The following FSTL5 variants were observed in gnomAD, a reference collection of about 807,000 sequenced individuals.
FSTL5 encodes the protein follistatin-related protein 5.
Under a neutral mutation model 89.1 loss-of-function variants are expected in FSTL5, and 62 were observed. That is an observed-to-expected ratio of 0.70 (90% CI 0.57 to 0.86). FSTL5 has a LOEUF of 0.86. FSTL5 is among the 40% of genes least tolerant of loss of function. The pLI, the probability that FSTL5 is intolerant of heterozygous loss-of-function variation, is 0.00. For synonymous variants in FSTL5, 383 were observed against 346.2 expected (o/e 1.11, Z -1.18); for missense variants, 1,057 against 1,001.6 (o/e 1.06, Z -0.75).
chr4:161,618,117 C>T (rs1734963595), intron 7 of FSTL5, among the ~76,000 whole-genome samples: 1 of 144,772 alleles, frequency 6.9e-6, no homozygotes, highest in African/African-American at 2.7e-5. Context: ...TGATTTGGCT[C>T]TCTGTTTGTC....
chr4:161,436,461 C>T (rs982509569), intron 15 of FSTL5, among the ~76,000 whole-genome samples: 2 of 152,108 alleles, frequency 1.3e-5, no homozygotes, highest in African/African-American at 4.8e-5. Flanking sequence ...TTTTCATGTG[C>T]CATGTTTTAC....
intron 4 of FSTL5, among the ~76,000 whole-genome samples, chr4:161,798,538 A>G (rs17041550): frequency 0.069 from 10,411 of 151,398 alleles, 604 homozygotes; most frequent in African/African-American, 0.16. Flanking sequence ...TTCAAAATCT[A>G]CAATATTGGT....
chr4:161,889,053 T>A (rs1732904285), intron 4 of FSTL5, among the ~76,000 whole-genome samples: 1 of 152,260 alleles, frequency 6.6e-6, no homozygotes, highest in African/African-American at 2.4e-5. Flanking sequence ...ACAAAATATA[T>A]AAGTTACTTT....
intron 6 of FSTL5, among the ~76,000 whole-genome samples, chr4:161,739,641 C>A (rs1739935067): frequency 1.3e-5 from 2 of 152,058 alleles, no homozygotes; most frequent in Admixed American, 6.6e-5. Context: ...CTCCTTGGTG[C>A]CCAATGTGAC....
At chr4:162,153,624 A>G (rs1733315748) in intron 1 of FSTL5, among the ~76,000 whole-genome samples, 1 of 141,178 alleles carries the variant, frequency 7.1e-6, no homozygotes, top group South Asian at 2.1e-4. Flanking sequence ...TATATTATAT[A>G]TGTATATAAT....
chr4:161,847,764 C>T (rs990731741), intron 4 of FSTL5, among the ~76,000 whole-genome samples: 8 of 151,890 alleles, frequency 5.3e-5, no homozygotes, highest in African/African-American at 1.7e-4. Flanking sequence ...CTGCCAGGTG[C>T]GGTGGCACAC....
intron 13 of FSTL5, among the ~76,000 whole-genome samples, chr4:161,461,619 T>C (rs1319535711): frequency 1.3e-5 from 2 of 152,092 alleles, no homozygotes; most frequent in South Asian, 4.1e-4. Flanking sequence ...GGTAATTAAA[T>C]AGCTTTATTG....
chr4:161,856,908 T>G (rs975530036), intron 4 of FSTL5, among the ~76,000 whole-genome samples: 4 of 151,854 alleles, frequency 2.6e-5, no homozygotes, highest in African/African-American at 9.7e-5. Context: ...TGAAGCCAGA[T>G]TGTGGTTAGC....
chr4:162,059,703 C>T (rs1417515181), intron 2 of FSTL5, among the ~76,000 whole-genome samples: 5 of 152,018 alleles, frequency 3.3e-5, no homozygotes. Flanking sequence ...CTATAAATAG[C>T]ATAATCTATA....
At chr4:161,872,140 G>GTTTTTTTTTTTTTTTTTTTTTT (rs1491313878) in intron 4 of FSTL5, among the ~76,000 whole-genome samples, 4 of 67,492 alleles carry the variant, frequency 5.9e-5, no homozygotes, top group Non-Finnish European at 1.1e-4. Flanking sequence ...TTTTTTTTTT[G>GTTTTTTTTTTTTTTTTTTTTTT]GTTTTTTTTT....
At chr4:162,158,172 C>G (rs776111370) in intron 1 of FSTL5, among the ~76,000 whole-genome samples, 1 of 151,946 alleles carries the variant, frequency 6.6e-6, no homozygotes. Flanking sequence ...CTAAATTTCA[C>G]CAAGTGTTTG....
chr4:161,969,730 T>C (rs752014083), intron 3 of FSTL5, among the ~76,000 whole-genome samples: 15 of 152,118 alleles, frequency 9.9e-5, no homozygotes, highest in Non-Finnish European at 2.1e-4. Flanking sequence ...TGTGGTATGC[T>C]GCAGGGAAAT....
chr4:161,770,158 A>G (rs955686735), intron 5 of FSTL5, among the ~76,000 whole-genome samples: 1 of 152,048 alleles, frequency 6.6e-6, no homozygotes. Flanking sequence ...GGGAGCTACA[A>G]ATGGAAACAA....
chr4:161,559,090 C>T (rs574990800), intron 8 of FSTL5, among the ~76,000 whole-genome samples: 20 of 152,004 alleles, frequency 1.3e-4, no homozygotes, highest in African/African-American at 4.8e-4. Flanking sequence ...AAATCCTTTA[C>T]TGCATTCTCC....
intron 3 of FSTL5, among the ~76,000 whole-genome samples, chr4:162,003,827 C>A (rs910811694): frequency 1.3e-5 from 2 of 152,104 alleles, no homozygotes; most frequent in African/African-American, 4.8e-5. Flanking sequence ...ATACAGGGCT[C>A]TTTCCCATAT....
chr4:162,027,578 CAT>C (rs1293474739), intron 3 of FSTL5, among the ~76,000 whole-genome samples: 3 of 151,994 alleles, frequency 2.0e-5, no homozygotes, highest in African/African-American at 7.2e-5. Context: ...AAAGACATGA[CAT>C]ATTTTTTAAA....
intron 3 of FSTL5, among the ~76,000 whole-genome samples, chr4:162,003,257 A>G (rs1736518905): frequency 6.6e-6 from 1 of 151,910 alleles, no homozygotes; most frequent in Non-Finnish European, 1.5e-5. Context: ...TTTCCATTAC[A>G]TTTTCTGTGT....
chr4:161,560,383 TCAGGC>T (rs1732551289), intron 8 of FSTL5, among the ~76,000 whole-genome samples: 1 of 151,876 alleles, frequency 6.6e-6, no homozygotes, highest in South Asian at 2.1e-4. Flanking sequence ...CACTGAACAC[TCAGGC>T]TATATTAGAT....
intron 6 of FSTL5, among the ~76,000 whole-genome samples, chr4:161,701,480 T>C (rs374077379): frequency 6.6e-6 from 1 of 151,958 alleles, no homozygotes; most frequent in Non-Finnish European, 1.5e-5. Context: ...TGTTTTTCCC[T>C]AAAAAGAAAC....
Sources: gnomAD v4.1 joint callset for allele counts (sites outside exome capture counted in the v4.1 genomes callset) on GRCh38, gnomAD v4.1.1 for gene constraint, MANE v1.5 for transcripts, NCBI Gene and HGNC (gene_info 2026-07-23, HGNC 2026-07-21) for gene names.